Variants in ITFG1 observed in about 807,000 individuals in gnomAD.
The protein encoded by ITFG1 is T-cell immunomodulatory protein.
ITFG1 carries 34 observed loss-of-function variants against 81.8 expected under a neutral mutation model. That is an observed-to-expected ratio of 0.42 (90% CI 0.32 to 0.55). The LOEUF (loss-of-function observed/expected upper bound fraction) is 0.55, where lower values mean the gene tolerates loss of function less well. Among genes scored for constraint, ITFG1 ranks in the 20% least tolerant of loss-of-function variants. The probability of loss-of-function intolerance (pLI) is 0.17; values close to 1 mark genes in which losing one functional copy is unlikely to be tolerated. For synonymous variants in ITFG1, 285 were observed against 270.6 expected, an observed-to-expected ratio of 1.05 and a Z score of -0.52; for missense variants, 672 against 755.4, an observed-to-expected ratio of 0.89 and a Z score of 1.29.
chr16:47,157,287 G>A (rs1182385854), intron 17 of ITFG1, among the ~76,000 whole-genome samples: 2 of 152,120 alleles, frequency 1.3e-5, no homozygotes, highest in African/African-American at 4.8e-5. Flanking sequence ...TGAAAGAAGA[G>A]GGCCAGGGGC....
chr16:47,324,598 T>A (rs554959449), intron 8 of ITFG1, among the ~76,000 whole-genome samples: 208 of 152,226 alleles, frequency 1.4e-3, no homozygotes, highest in African/African-American at 4.9e-3. Flanking sequence ...ACTCATCTCA[T>A]GTGCAGAGAC....
intron 10 of ITFG1, among the ~76,000 whole-genome samples, chr16:47,298,360 T>C (rs750190612): frequency 4.6e-5 from 7 of 152,210 alleles, no homozygotes; most frequent in Non-Finnish European, 1.0e-4. Flanking sequence ...TACTGTTTCT[T>C]TGGGGATGCC....
rs191774093 is a variant in ITFG1 at position 47,259,254 on chromosome 16, T to C, written c.1222-514A>G. ...ATGTCAGCAACTTGGCTTTTTGTAG[T>C]AAACTATGTTCTAGTTTTGCAGAGT... is the stretch of plus-strand genomic sequence containing the variant. On this transcript the variant is annotated intron_variant, in intron 11 of 17. Transcript: ENST00000320640. Among the ~76,000 whole-genome samples, 9 of 152,390 alleles carry C rather than the reference T, an allele frequency of 5.9e-5. No homozygotes were observed. In the East Asian group the frequency reaches 1.7e-3, roughly 29 times the overall value.
At chr16:47,292,618 A>T (rs28595670) in intron 10 of ITFG1, among the ~76,000 whole-genome samples, 2 of 152,170 alleles carry the variant, frequency 1.3e-5, no homozygotes, top group African/African-American at 4.8e-5. Flanking sequence ...TGAATAGTGT[A>T]CATTGAACCC....
intron 6 of ITFG1, among the ~76,000 whole-genome samples, chr16:47,389,051 A>C (rs1395105269): frequency 6.6e-6 from 1 of 152,194 alleles, no homozygotes; most frequent in Non-Finnish European, 1.5e-5. Context: ...GATGTTTAAA[A>C]GTAGGAAAAG....
intron 14 of ITFG1, among the ~76,000 whole-genome samples, chr16:47,186,304 G>C (rs1432588911): frequency 1.3e-5 from 2 of 151,984 alleles, no homozygotes; most frequent in Non-Finnish European, 2.9e-5. Flanking sequence ...AGAGACACAA[G>C]CAAAAAAGAG....
intron 5 of ITFG1, among the ~76,000 whole-genome samples, chr16:47,446,887 G>A (rs760180824): frequency 6.7e-6 from 1 of 149,288 alleles, no homozygotes; most frequent in Non-Finnish European, 1.5e-5. Flanking sequence ...TTTTGAGATA[G>A]CGTCTCACTC....
intron 5 of ITFG1, among the ~76,000 whole-genome samples, chr16:47,443,736 C>T (rs912995218): frequency 5.2e-4 from 79 of 151,794 alleles, no homozygotes; most frequent in African/African-American, 1.8e-3. Context: ...CATCACATAC[C>T]GGGGACTGCT....
At chr16:47,355,173 AAT>A (rs993935791) in intron 8 of ITFG1, among the ~76,000 whole-genome samples, 2 of 152,168 alleles carry the variant, frequency 1.3e-5, no homozygotes, top group Non-Finnish European at 2.9e-5. Flanking sequence ...GATAAAAAAA[AAT>A]GTGGTATCTA....
intron 8 of ITFG1, among the ~76,000 whole-genome samples, chr16:47,327,699 T>C (rs1967571980): frequency 6.6e-6 from 1 of 152,174 alleles, no homozygotes; most frequent in African/African-American, 2.4e-5. Flanking sequence ...AGAAGACATT[T>C]ATGCAGCCAA....
intron 7 of ITFG1, among the ~76,000 whole-genome samples, chr16:47,367,254 T>C (rs1968189249): frequency 6.6e-6 from 1 of 152,228 alleles, no homozygotes; most frequent in Non-Finnish European, 1.5e-5. Flanking sequence ...TGTTCAGCTA[T>C]CAGGAAGCTC....
chr16:47,293,074 A>G (rs1248304330), intron 10 of ITFG1, among the ~76,000 whole-genome samples: 1 of 147,936 alleles, frequency 6.8e-6, no homozygotes, highest in African/African-American at 2.5e-5. Context: ...ACATATACAT[A>G]TATATGTATG....
chr16:47,265,393 TTTC>T (rs1464432644), intron 10 of ITFG1, among the ~76,000 whole-genome samples: 7 of 152,156 alleles, frequency 4.6e-5, no homozygotes, highest in South Asian at 2.1e-4. Flanking sequence ...GAAAAGTCTT[TTTC>T]TTATTATTTA....
At chr16:47,185,923 G>A (rs1224102576) in intron 14 of ITFG1, among the ~76,000 whole-genome samples, 1 of 151,992 alleles carries the variant, frequency 6.6e-6, no homozygotes, top group Non-Finnish European at 1.5e-5. Flanking sequence ...AATGATAAAG[G>A]GGATATCACC....
chr16:47,185,081 A>G (rs1054617953), intron 14 of ITFG1, among the ~76,000 whole-genome samples: 2 of 151,836 alleles, frequency 1.3e-5, no homozygotes, highest in African/African-American at 4.8e-5. Context: ...AGAGCTAACT[A>G]TCCTAAATAT....
At chr16:47,263,937 T>A (rs1021400015) in intron 10 of ITFG1, among the ~76,000 whole-genome samples, 3 of 152,210 alleles carry the variant, frequency 2.0e-5, no homozygotes, top group African/African-American at 7.2e-5. Context: ...GCATCTTGCC[T>A]TTAAAAATAA....
intron 6 of ITFG1, among the ~76,000 whole-genome samples, chr16:47,385,173 T>C (rs1188972327): frequency 6.6e-6 from 1 of 152,234 alleles, no homozygotes; most frequent in Non-Finnish European, 1.5e-5. Flanking sequence ...ATTGTGTTTA[T>C]AAAGGTCTGT....
At chr16:47,329,756 A>C (rs1967612322) in intron 8 of ITFG1, among the ~76,000 whole-genome samples, 2 of 152,154 alleles carry the variant, frequency 1.3e-5, no homozygotes, top group African/African-American at 4.8e-5. Context: ...ATGGAAGTAT[A>C]AGAGGTTAAG....
intron 6 of ITFG1, among the ~76,000 whole-genome samples, chr16:47,416,379 G>A (rs1400410294): frequency 6.6e-6 from 1 of 152,040 alleles, no homozygotes; most frequent in Non-Finnish European, 1.5e-5. Context: ...AGAAAAAACT[G>A]AGAATTCATA....
Sources: allele counts gnomAD v4.1 joint callset (sites outside exome capture counted in the v4.1 genomes callset), GRCh38; gene constraint gnomAD v4.1.1; transcripts MANE v1.5; gene names NCBI Gene and HGNC (gene_info 2026-07-23, HGNC 2026-07-21).